ACSS3: variants seen among roughly 807,000 people sequenced by gnomAD.
ACSS3 encodes the protein acyl-CoA synthetase short chain family member 3.
Under a neutral mutation model 84.2 loss-of-function variants are expected in ACSS3, and 64 were observed. That is an observed-to-expected ratio of 0.76 (90% CI 0.62 to 0.94). The LOEUF (loss-of-function observed/expected upper bound fraction) is 0.94. ACSS3 is among the 40% of genes least tolerant of loss of function. The probability of loss-of-function intolerance (pLI) is 0.00; values close to 1 mark genes in which losing one functional copy is unlikely to be tolerated. For missense variants in ACSS3, 815 were observed against 867.6 expected, an observed-to-expected ratio of 0.94 and a Z score of 0.76; for synonymous variants, 317 against 310.1, an observed-to-expected ratio of 1.02 and a Z score of -0.23.
At chr12:81,102,979 A>T (rs10862241) in intron 1 of ACSS3, among the ~76,000 whole-genome samples, 61,509 of 152,140 alleles carry the variant, frequency 0.4, 14,093 homozygotes, top group Non-Finnish European at 0.53. Flanking sequence ...CACATGTGTT[A>T]GATTGTGGGA....
chr12:81,152,233 T>C (rs12322026), intron 7 of ACSS3, 137 bp downstream of exon 7: 42,304 of 608,068 alleles, frequency 0.07, 2,230 homozygotes, highest in African/African-American at 0.19. Flanking sequence ...GTTAAAAATA[T>C]AATTTTGAAA....
intron 7 of ACSS3, among the ~76,000 whole-genome samples, chr12:81,162,937 G>A (rs1887225598): frequency 6.6e-6 from 1 of 152,102 alleles, no homozygotes; most frequent in Non-Finnish European, 1.5e-5. Flanking sequence ...GCAGGGAGAG[G>A]CCATGCAGCA....
chr12:81,102,840 G>A (rs1882637212), intron 1 of ACSS3, among the ~76,000 whole-genome samples: 2 of 151,582 alleles, frequency 1.3e-5, no homozygotes, highest in Non-Finnish European at 2.9e-5. Flanking sequence ...AAAAAAAAAA[G>A]GAGAAGATTG....
intron 9 of ACSS3, among the ~76,000 whole-genome samples, chr12:81,205,550 C>G (rs752400180): frequency 5.3e-4 from 81 of 152,102 alleles, no homozygotes; most frequent in Admixed American, 1.1e-3. Context: ...GGCACAACTA[C>G]AGCCCTGTCT....
intron 5 of ACSS3, among the ~76,000 whole-genome samples, chr12:81,146,766 A>C (rs141284372): frequency 3.3e-4 from 51 of 152,300 alleles, no homozygotes; most frequent in African/African-American, 1.2e-3. Flanking sequence ...ATGATAAAAG[A>C]ATCCCTCATC....
intron 7 of ACSS3, among the ~76,000 whole-genome samples, chr12:81,153,382 T>G (rs886149853): frequency 2.1e-5 from 3 of 142,258 alleles, no homozygotes; most frequent in Non-Finnish European, 3.0e-5. Context: ...CACTCCAGCC[T>G]GGGCGACAGA....
intron 12 of ACSS3, 50 bp from the exon 13 acceptor site, chr12:81,233,299 C>T (rs1359132731): frequency 7.0e-6 from 11 of 1,571,730 alleles, no homozygotes; most frequent in Non-Finnish European, 9.6e-6. Flanking sequence ...AAAATGATTA[C>T]ATTAGTTAAC....
intron 9 of ACSS3, among the ~76,000 whole-genome samples, chr12:81,215,956 TAGTC>T: frequency 6.6e-6 from 1 of 152,064 alleles, no homozygotes. Context: ...TTTGATGAAA[TAGTC>T]AGCAGAGTAT....
chr12:81,158,648 A>C (rs901660613), intron 7 of ACSS3, among the ~76,000 whole-genome samples: 3 of 152,002 alleles, frequency 2.0e-5, no homozygotes, highest in Non-Finnish European at 4.4e-5. Context: ...AATGTACCAC[A>C]TGCTCCTGTT....
intron 2 of ACSS3, among the ~76,000 whole-genome samples, chr12:81,123,702 C>T (rs1884837801): frequency 6.6e-6 from 1 of 152,262 alleles, no homozygotes; most frequent in Middle Eastern, 3.4e-3. Flanking sequence ...ATCCCACCTA[C>T]ATGTGAGAAC....
At chr12:81,146,690 G>A (rs989858359) in intron 5 of ACSS3, among the ~76,000 whole-genome samples, 1 of 152,116 alleles carries the variant, frequency 6.6e-6, no homozygotes, top group East Asian at 1.9e-4. Flanking sequence ...ATACATTTCT[G>A]TTTTGTTGTG....
At chr12:81,253,171 C>A in intron 13 of ACSS3, 136 bp from the exon 14 acceptor site, 2 of 876,680 alleles carry the variant, frequency 2.3e-6, no homozygotes, top group Non-Finnish European at 3.5e-6. Context: ...GGATTTTTGG[C>A]TTGTCTTACA....
At chr12:81,140,686 T>TA (rs963123797) in intron 4 of ACSS3, among the ~76,000 whole-genome samples, 1 of 152,154 alleles carries the variant, frequency 6.6e-6, no homozygotes, top group Non-Finnish European at 1.5e-5. Flanking sequence ...GCACTTTTTT[T>TA]AAAAAAGCTT....
intron 13 of ACSS3, among the ~76,000 whole-genome samples, chr12:81,235,692 A>G (rs2033609995): frequency 6.6e-6 from 1 of 151,464 alleles, no homozygotes. Context: ...CAGATTCTGA[A>G]CAAGTTTTGT....
intron 1 of ACSS3, among the ~76,000 whole-genome samples, chr12:81,101,045 GT>G (rs1456435675): frequency 5.3e-5 from 8 of 152,166 alleles, no homozygotes; most frequent in African/African-American, 1.7e-4. Context: ...TGTGTAGCCA[GT>G]TATTATTGAC....
At chr12:81,174,985 A>C in intron 8 of ACSS3, 46 bp downstream of exon 8, 1 of 1,588,988 alleles carries the variant, frequency 6.3e-7, no homozygotes, top group Non-Finnish European at 8.6e-7. Flanking sequence ...AAGTGCAATC[A>C]AAATGAATAA....
intron 8 of ACSS3, among the ~76,000 whole-genome samples, chr12:81,195,727 G>C (rs1017119212): frequency 5.9e-5 from 9 of 151,718 alleles, no homozygotes; most frequent in African/African-American, 2.2e-4. Context: ...ACTGTTAGAG[G>C]GTACTCACAA....
intron 1 of ACSS3, among the ~76,000 whole-genome samples, chr12:81,098,222 G>A (rs1367487449): frequency 4.0e-5 from 6 of 151,310 alleles, no homozygotes; most frequent in East Asian, 1.9e-4. Context: ...TCTGGGGCTG[G>A]TTCCTGCCCT....
chr12:81,100,625 C>A (rs12315517), intron 1 of ACSS3, among the ~76,000 whole-genome samples: 61,415 of 152,074 alleles, frequency 0.4, 14,056 homozygotes, highest in Non-Finnish European at 0.53. Flanking sequence ...ATAGCCTAGG[C>A]TATGCTGCAG....
Sources: gnomAD v4.1 joint callset for allele counts (sites outside exome capture counted in the v4.1 genomes callset) on GRCh38, gnomAD v4.1.1 for gene constraint, MANE v1.5 for transcripts, NCBI Gene and HGNC (gene_info 2026-07-23, HGNC 2026-07-21) for gene names.